Variants in FRMD4B observed in about 807,000 individuals in gnomAD.
The protein encoded by FRMD4B is FERM domain containing 4B.
A neutral mutation model predicts 141.5 loss-of-function variants in FRMD4B; 74 were observed. The observed-to-expected ratio is 0.52, with a 90% CI of 0.43 to 0.63. The LOEUF (loss-of-function observed/expected upper bound fraction) is 0.63, where lower values mean the gene tolerates loss of function less well. Ranked by LOEUF, FRMD4B falls within the 30% of genes least tolerant of loss-of-function variation. The probability of loss-of-function intolerance (pLI) is 0.00; values close to 1 mark genes in which losing one functional copy is unlikely to be tolerated. For synonymous variants in FRMD4B, 506 were observed against 467.9 expected, an observed-to-expected ratio of 1.08 and a Z score of -1.05; for missense variants, 1,366 against 1,253.4, an observed-to-expected ratio of 1.09 and a Z score of -1.36.
intron 2 of FRMD4B, among the ~76,000 whole-genome samples, chr3:69,402,909 A>T (rs1704590590): frequency 6.6e-6 from 1 of 152,228 alleles, no homozygotes; most frequent in Admixed American, 6.5e-5. Flanking sequence ...AGACTCCAGA[A>T]GATTATTTTG....
chr3:69,215,126 C>T (rs762144805), intron 11 of FRMD4B, among the ~76,000 whole-genome samples: 8 of 151,444 alleles, frequency 5.3e-5, no homozygotes, highest in Middle Eastern at 3.4e-3. Flanking sequence ...GCAACCCACC[C>T]GACTCAGCCT....
intron 4 of FRMD4B, 91 bp from the exon 5 acceptor site, chr3:69,287,927 T>G: frequency 1.6e-6 from 1 of 631,994 alleles, no homozygotes; most frequent in Non-Finnish European, 2.8e-6. Context: ...GGGCAAGAAT[T>G]TTGAGAAACC....
chr3:69,254,369 G>A (rs1211340125), intron 5 of FRMD4B, among the ~76,000 whole-genome samples: 3 of 152,044 alleles, frequency 2.0e-5, no homozygotes, highest in Non-Finnish European at 2.9e-5. Flanking sequence ...TCAGCCTCCC[G>A]AAGTGCTTAG....
chr3:69,534,902 A>C (rs1353450528), intron 1 of FRMD4B, among the ~76,000 whole-genome samples: 2 of 152,254 alleles, frequency 1.3e-5, no homozygotes, highest in African/African-American at 4.8e-5. Context: ...GCCTAGCTTA[A>C]AATGTGGCAC....
intron 1 of FRMD4B, among the ~76,000 whole-genome samples, chr3:69,359,856 A>T (rs1471530032): frequency 6.6e-6 from 1 of 152,238 alleles, no homozygotes; most frequent in Non-Finnish European, 1.5e-5. Flanking sequence ...AGAAAAGGGT[A>T]TTCAAAGTTC....
chr3:69,211,827 C>A (rs1309917151), intron 11 of FRMD4B, among the ~76,000 whole-genome samples: 1 of 152,176 alleles, frequency 6.6e-6, no homozygotes, highest in South Asian at 2.1e-4. Context: ...CATGATCCTC[C>A]TTTAATAGAA....
chr3:69,532,425 CACAG>C (rs1388515668), intron 1 of FRMD4B, among the ~76,000 whole-genome samples: 3 of 152,158 alleles, frequency 2.0e-5, no homozygotes, highest in Admixed American at 6.5e-5. Context: ...GTGCAGCTGA[CACAG>C]ACAAAGTGCA....
intron 1 of FRMD4B, among the ~76,000 whole-genome samples, chr3:69,332,817 G>C (rs1004523671): frequency 6.8e-6 from 1 of 146,002 alleles, no homozygotes; most frequent in Admixed American, 7.1e-5. Context: ...CAAACTCCTG[G>C]GCTCCAACAA....
chr3:69,220,238 C>A (rs1250263291), intron 9 of FRMD4B, among the ~76,000 whole-genome samples: 1 of 152,172 alleles, frequency 6.6e-6, no homozygotes, highest in African/African-American at 2.4e-5. Flanking sequence ...AGGCTACCAA[C>A]CTGTACAGCA....
chr3:69,343,902 C>T (rs1318090584), intron 1 of FRMD4B, among the ~76,000 whole-genome samples: 1 of 152,052 alleles, frequency 6.6e-6, no homozygotes, highest in East Asian at 1.9e-4. Flanking sequence ...TTCTATACTC[C>T]CCAAGAGTGA....
chr3:69,399,123 G>A (rs562811597), intron 2 of FRMD4B, among the ~76,000 whole-genome samples: 6 of 152,228 alleles, frequency 3.9e-5, no homozygotes, highest in East Asian at 1.9e-4. Flanking sequence ...TTTTCCACCC[G>A]AGCTGTCCTC....
intron 12 of FRMD4B, among the ~76,000 whole-genome samples, chr3:69,197,347 G>T (rs2092918719): frequency 6.6e-6 from 1 of 152,152 alleles, no homozygotes; most frequent in African/African-American, 2.4e-5. Context: ...AGGATGTGTA[G>T]CCATCACAAG....
At chr3:69,339,018 T>C (rs4855392) in intron 1 of FRMD4B, among the ~76,000 whole-genome samples, 151,431 of 152,236 alleles carry the variant, frequency 0.99, 75,320 homozygotes, top group East Asian at 1. Flanking sequence ...TCTTTACGCA[T>C]CCCCCGCCAT....
At chr3:69,250,344 A>G (rs1220671665) in intron 5 of FRMD4B, 3 of 420,208 alleles carry the variant, frequency 7.1e-6, no homozygotes, top group Non-Finnish European at 1.3e-5. Context: ...GTGGTGACGG[A>G]TTATGTGTAG....
chr3:69,351,665 G>A (rs571395768), intron 1 of FRMD4B, among the ~76,000 whole-genome samples: 1 of 152,278 alleles, frequency 6.6e-6, no homozygotes, highest in Non-Finnish European at 1.5e-5. Flanking sequence ...TGGAAATTAG[G>A]CAAAATCATC....
intron 1 of FRMD4B, among the ~76,000 whole-genome samples, chr3:69,352,722 A>G (rs1406485571): frequency 6.6e-6 from 1 of 152,220 alleles, no homozygotes; most frequent in Non-Finnish European, 1.5e-5. Flanking sequence ...AGTTTTATTA[A>G]TTAATTGGAA....
chr3:69,217,776 A>G (rs995197409), intron 10 of FRMD4B, among the ~76,000 whole-genome samples: 1 of 152,208 alleles, frequency 6.6e-6, no homozygotes, highest in African/African-American at 2.4e-5. Context: ...CAATTATAAA[A>G]TTATTTCTCT....
chr3:69,461,385 C>T (rs989398916), intron 1 of FRMD4B, among the ~76,000 whole-genome samples: 1 of 64,656 alleles, frequency 1.5e-5, no homozygotes, highest in Non-Finnish European at 3.0e-5. Flanking sequence ...ATAGTGAGAC[C>T]CCCCCCATCT....
intron 5 of FRMD4B, among the ~76,000 whole-genome samples, chr3:69,280,867 C>T (rs938923588): frequency 8.5e-5 from 13 of 152,134 alleles, no homozygotes; most frequent in Non-Finnish European, 1.9e-4. Flanking sequence ...AATCTGCCCA[C>T]CCTGGCCTCC....
Sources: gnomAD v4.1 joint callset for allele counts (sites outside exome capture counted in the v4.1 genomes callset) on GRCh38, gnomAD v4.1.1 for gene constraint, MANE v1.5 for transcripts, NCBI Gene and HGNC (gene_info 2026-07-23, HGNC 2026-07-21) for gene names.